Variants in TM9SF3 observed in about 807,000 individuals in gnomAD.
The protein encoded by TM9SF3 is SM-11044-binding protein.
In TM9SF3, 14 loss-of-function variants were observed where a neutral mutation model predicts 78.6. That is an observed-to-expected ratio of 0.18 (90% CI 0.12 to 0.28). TM9SF3 has a LOEUF of 0.28. TM9SF3 is among the 10% of genes least tolerant of loss of function. TM9SF3 has a pLI of 1.00. For synonymous variants in TM9SF3, 231 were observed against 241.7 expected (o/e 0.96, Z 0.41); for missense variants, 496 against 721.9 (o/e 0.69, Z 3.59).
At chr10:96,565,520 A>G in intron 2 of TM9SF3, 94 bp from the exon 3 acceptor site, 3 of 1,403,266 alleles carry the variant, frequency 2.1e-6, no homozygotes, top group Non-Finnish European at 2.8e-6. Flanking sequence ...CATTTCCTAC[A>G]GTTAAAATTT....
At chr10:96,538,221 C>T (rs1416472160) in intron 9 of TM9SF3, among the ~76,000 whole-genome samples, 1 of 152,102 alleles carries the variant, frequency 6.6e-6, no homozygotes, top group Non-Finnish European at 1.5e-5. Context: ...CAATAAAAAT[C>T]CACACATACA....
At chr10:96,553,183 C>T (rs1003958488) in intron 5 of TM9SF3, 124 bp from the exon 6 acceptor site, 1 of 1,034,072 alleles carries the variant, frequency 9.7e-7, no homozygotes, top group African/African-American at 1.7e-5. Context: ...ATCCTTTAGA[C>T]AAAAATCCAA....
At chr10:96,558,297 G>A (rs1848258766) in intron 5 of TM9SF3, among the ~76,000 whole-genome samples, 1 of 143,672 alleles carries the variant, frequency 7.0e-6, no homozygotes, top group South Asian at 2.1e-4. Context: ...GGTGGGGATT[G>A]AGGTAGGGGA....
At chr10:96,532,719 AC>A (rs1373706420) in intron 10 of TM9SF3, among the ~76,000 whole-genome samples, 4 of 152,056 alleles carry the variant, frequency 2.6e-5, no homozygotes, top group Non-Finnish European at 5.9e-5. Context: ...CTGAGTTCCA[AC>A]AAAACTTTAT....
At chr10:96,578,939 C>T (rs181133163) in intron 1 of TM9SF3, among the ~76,000 whole-genome samples, 151 of 152,176 alleles carry the variant, frequency 9.9e-4, no homozygotes, top group Non-Finnish European at 1.9e-3. Context: ...AGCAGGGTGT[C>T]GTGGCACACA....
rs771128333 is a variant in TM9SF3 at position 96,551,361 on chromosome 10, T to C, written c.843A>G (p.Val281=). The part of the protein sequence containing the change: ...EYGWKQVHGD[V]FRPSSHPLIF... ...TCAGTGGGTGACTTGATGGTCTAAA[T>C]ACATCTCCATGCACCTGTTTCCATC... Residue 281 remains valine (V), a synonymous_variant, in exon 7 of 15, where the codon GTA becomes GTG. Transcript: ENST00000371142. The C allele has an allele frequency of 1.7e-5, 28 of 1,612,608 alleles. No individual in the cohort carries two copies. Among genetic ancestry groups the C allele is most frequent in the Middle Eastern group, 1.7e-4 (1 of 6,050 alleles).
intron 4 of TM9SF3, chr10:96,560,284 G>A: frequency 1.3e-6 from 1 of 763,150 alleles, no homozygotes; most frequent in Middle Eastern, 3.7e-4. Flanking sequence ...CTTTAAGGTG[G>A]ATAATGATGA....
intron 9 of TM9SF3, among the ~76,000 whole-genome samples, chr10:96,534,089 G>C (rs565046521): frequency 1.3e-5 from 2 of 152,302 alleles, no homozygotes; most frequent in Non-Finnish European, 2.9e-5. Flanking sequence ...GACACTGATT[G>C]AGAGAAATGA....
At chr10:96,525,765 A>G (rs1395115947) in intron 14 of TM9SF3, among the ~76,000 whole-genome samples, 1 of 152,054 alleles carries the variant, frequency 6.6e-6, no homozygotes, top group Non-Finnish European at 1.5e-5. Context: ...GATCAGTCTC[A>G]TTTATCAAGT....
chr10:96,579,978 CCT>C (rs1404020979), intron 1 of TM9SF3, among the ~76,000 whole-genome samples: 1 of 152,050 alleles, frequency 6.6e-6, no homozygotes, highest in Non-Finnish European at 1.5e-5. Context: ...TGATAAAGCC[CCT>C]GAGCTCCACA....
chr10:96,548,947 C>T (rs1358388222), intron 7 of TM9SF3, among the ~76,000 whole-genome samples: 3 of 152,174 alleles, frequency 2.0e-5, no homozygotes, highest in African/African-American at 7.2e-5. Context: ...TTTTTATCTA[C>T]ATTGAAAAAT....
At chr10:96,568,604 T>C (rs1452878098) in intron 2 of TM9SF3, among the ~76,000 whole-genome samples, 1 of 152,080 alleles carries the variant, frequency 6.6e-6, no homozygotes, top group African/African-American at 2.4e-5. Context: ...TATTCATGAG[T>C]TCTCTAAGAA....
chr10:96,559,619 G>T, intron 5 of TM9SF3, 40 bp downstream of exon 5: 1 of 1,393,484 alleles, frequency 7.2e-7, no homozygotes, highest in Non-Finnish European at 9.9e-7. Flanking sequence ...GAACGAATTG[G>T]TGCACATAAT....
intron 5 of TM9SF3, among the ~76,000 whole-genome samples, chr10:96,558,913 C>T (rs552242577): frequency 1.3e-5 from 2 of 152,150 alleles, no homozygotes; most frequent in African/African-American, 2.4e-5. Flanking sequence ...TATGCCTTGT[C>T]TTTTTATCTC....
At chr10:96,586,646 C>T (rs1353758208) in intron 1 of TM9SF3, 88 bp downstream of exon 1, 4 of 1,111,774 alleles carry the variant, frequency 3.6e-6, no homozygotes, top group African/African-American at 1.6e-5. Flanking sequence ...ACCACCGGGC[C>T]GCCGGGCACT....
chr10:96,541,172 A>G (rs907678879), intron 9 of TM9SF3, among the ~76,000 whole-genome samples: 3 of 151,494 alleles, frequency 2.0e-5, no homozygotes, highest in East Asian at 1.9e-4. Flanking sequence ...GAATCCTACA[A>G]TAAGATGAAA....
intron 3 of TM9SF3, among the ~76,000 whole-genome samples, chr10:96,564,657 T>C (rs1848349256): frequency 6.6e-6 from 1 of 152,184 alleles, no homozygotes; most frequent in African/African-American, 2.4e-5. Flanking sequence ...TCATTATACA[T>C]AACAGCAGAT....
At chr10:96,546,634 A>G (rs924549865) in intron 8 of TM9SF3, among the ~76,000 whole-genome samples, 8 of 152,220 alleles carry the variant, frequency 5.3e-5, no homozygotes, top group South Asian at 2.1e-4. Flanking sequence ...GAGACTGAAC[A>G]TCTACCTAAA....
At chr10:96,555,183 A>G (rs1848220325) in intron 5 of TM9SF3, among the ~76,000 whole-genome samples, 1 of 152,028 alleles carries the variant, frequency 6.6e-6, no homozygotes, top group South Asian at 2.1e-4. Context: ...ATTTTCTCCA[A>G]TATTCTATAC....
Sources: allele counts gnomAD v4.1 joint callset (sites outside exome capture counted in the v4.1 genomes callset), GRCh38; gene constraint gnomAD v4.1.1; transcripts MANE v1.5; gene names NCBI Gene and HGNC (gene_info 2026-07-23, HGNC 2026-07-21).